Variants in RHAG observed in about 807,000 individuals in gnomAD.
The protein encoded by RHAG is ammonium transporter Rh type A.
Under a neutral mutation model 42.4 loss-of-function variants are expected in RHAG, and 25 were observed. The ratio of observed to expected loss-of-function variants is 0.59; its 90% CI spans 0.43 to 0.82. The LOEUF is 0.82. RHAG is among the 40% of genes least tolerant of loss of function. The probability of loss-of-function intolerance (pLI) is 0.00; values close to 1 mark genes in which losing one functional copy is unlikely to be tolerated. For synonymous variants in RHAG, 182 were observed against 177.7 expected, an observed-to-expected ratio of 1.02 and a Z score of -0.19; for missense variants, 483 against 504.6, an observed-to-expected ratio of 0.96 and a Z score of 0.41.
At chr6:49,630,068 A>T (rs1261182377) in intron 1 of RHAG, among the ~76,000 whole-genome samples, 1 of 152,178 alleles carries the variant, frequency 6.6e-6, no homozygotes, top group Non-Finnish European at 1.5e-5. Context: ...AGGCGCCGAG[A>T]GCGAGCGAGG....
chr6:49,605,846 T>C lies in RHAG; in HGVS notation c.1213-16A>G. ...TCTTAGGGACCTTTAAAAAAACAAG[T>C]TTGAGGGCACTTAATAGTTTATTTC... On this transcript the variant is annotated splice_polypyrimidine_tract_variant and intron_variant, in intron 9 of 9. Transcript: ENST00000371175. 6.2e-7 allele frequency: 1 copy of C among 1,606,694 alleles called. No individual in the cohort carries two copies. Among genetic ancestry groups the C allele is most frequent in the Non-Finnish European group, 8.5e-7 (1 of 1,173,398 alleles).
rs148796751 is a variant in RHAG, at chr6:49,621,651, C to G, written c.158-2289G>C. 7.9e-5 allele frequency among the ~76,000 whole-genome samples: 12 copies of G among 152,252 alleles called. No individual in the cohort carries two copies. The East Asian group carries it at 2.1e-3, about 27-fold the overall frequency. On this transcript the variant is annotated intron_variant, in intron 1 of 9. Coordinates refer to ENST00000371175, the MANE Select transcript of RHAG (RefSeq NM_000324.3). Reference sequence around the variant, plus strand: ...TCACATATATTCATTTTTCTTTACACATTGATTTGTCACCCACCATTTAAT... The same window carrying G: ...TCACATATATTCATTTTTCTTTACAGATTGATTTGTCACCCACCATTTAAT...
chr6:49,636,240 C>T (rs2127360147), intron 1 of RHAG, among the ~76,000 whole-genome samples: 1 of 152,154 alleles, frequency 6.6e-6, no homozygotes, highest in African/African-American at 2.4e-5. Flanking sequence ...AGGGTCCTCA[C>T]ATGAAATCTA....
chr6:49,615,617 C>G lies in RHAG; in HGVS notation c.640+7G>C, dbSNP rs1297398036. The G allele has an allele frequency of 1.9e-6, 3 of 1,613,868 alleles. No homozygotes were observed. In the East Asian group the frequency reaches 6.7e-5, roughly 36 times the overall value. ...GATAAGATTCAAGCAAGTTTATCCA[C>G]ACTCACCAATCATTGCAAACAAGTC... On this transcript the variant is annotated splice_region_variant and intron_variant, in intron 4 of 9. Coordinates refer to ENST00000371175, the MANE Select transcript of RHAG (RefSeq NM_000324.3).
At position 49,629,681 on chromosome 6, in the gene RHAG, G is replaced by A. The variant is rs557967940; in HGVS notation, c.157+6975C>T. On this transcript the variant is annotated intron_variant, in intron 1 of 9. Coordinates refer to ENST00000371175, the MANE Select transcript of RHAG (RefSeq NM_000324.3). ...TCAGGCATGGCGGGCTGCAGGTCCC[G>A]AGCCCTGCCCCACGGGAAGGCAGCT... Among the ~76,000 whole-genome samples the A allele has an allele frequency of 5.3e-5, 8 of 152,302 alleles. No individual in the cohort carries two copies. In the East Asian group the frequency reaches 9.7e-4, roughly 18 times the overall value.
intron 5 of RHAG, 73 bp from the exon 6 acceptor site, chr6:49,612,607 A>C: frequency 6.4e-7 from 1 of 1,553,582 alleles, no homozygotes; most frequent in Non-Finnish European, 8.9e-7. Context: ...AGGATTCTAG[A>C]GTTCAAGAGA....
In RHAG at chr6:49,619,284, C is replaced by G. The variant is rs121918586; in HGVS notation, c.236G>C (p.Ser79Thr). ...AGCAACGAGTAGGTTGATACCCACACTGCTGAAGCCATATTTCTTCAGGAA... is the reference window on the plus strand; with the variant it reads ...AGCAACGAGTAGGTTGATACCCACAGTGCTGAAGCCATATTTCTTCAGGAA... ...MTFLKKYGFS[S>T]VGINLLVAAL... is the part of the protein sequence containing the mutation. Residue 79 changes from serine (S) to threonine (T), a missense_variant, in exon 2 of 10, where the codon AGT becomes ACT. Coordinates refer to ENST00000371175, the MANE Select transcript of RHAG (RefSeq NM_000324.3). 1 of 1,614,134 alleles carries G rather than the reference C, an allele frequency of 6.2e-7. No individual in the cohort carries two copies. Among genetic ancestry groups the G allele is most frequent in the East Asian group, 2.2e-5 (1 of 44,874 alleles).
At chr6:49,624,753 C>A (rs1398731115) in intron 1 of RHAG, among the ~76,000 whole-genome samples, 1 of 152,158 alleles carries the variant, frequency 6.6e-6, no homozygotes, top group East Asian at 1.9e-4. Flanking sequence ...AACATGTAAA[C>A]TGTGGTGTAC....
At chr6:49,619,446 G>T in intron 1 of RHAG, 84 bp from the exon 2 acceptor site, 2 of 1,230,314 alleles carry the variant, frequency 1.6e-6, no homozygotes, top group South Asian at 1.3e-5. Context: ...CTTATTAAGT[G>T]CTACCACCTT....
At chr6:49,624,350 C>T (rs1050091692) in intron 1 of RHAG, among the ~76,000 whole-genome samples, 51 of 152,114 alleles carry the variant, frequency 3.4e-4, no homozygotes, top group African/African-American at 1.1e-3. Context: ...GGACTACAGG[C>T]GTGTGCCACC....
At chr6:49,622,794 G>T (rs986543036) in intron 1 of RHAG, among the ~76,000 whole-genome samples, 21 of 150,496 alleles carry the variant, frequency 1.4e-4, no homozygotes, top group African/African-American at 4.9e-4. Flanking sequence ...TTATTCTGCA[G>T]ATTTCACCCC....
At chr6:49,617,948 C>A in intron 3 of RHAG, 120 bp downstream of exon 3, 1 of 833,132 alleles carries the variant, frequency 1.2e-6, no homozygotes. Flanking sequence ...GTTATTGTTA[C>A]TATTTGCTAC....
intron 1 of RHAG, among the ~76,000 whole-genome samples, chr6:49,630,856 G>T (rs538896332): frequency 1.3e-5 from 2 of 152,204 alleles, no homozygotes; most frequent in African/African-American, 2.4e-5. Flanking sequence ...TTCCCAGACT[G>T]TCTTTTTATA....
At chr6:49,613,809 G>T (rs1762606535) in intron 5 of RHAG, among the ~76,000 whole-genome samples, 1 of 152,134 alleles carries the variant, frequency 6.6e-6, no homozygotes, top group Non-Finnish European at 1.5e-5. Context: ...TCTCAAATAA[G>T]ATGTTAATCT....
chr6:49,634,726 C>A (rs970642131), intron 1 of RHAG, among the ~76,000 whole-genome samples: 85 of 152,020 alleles, frequency 5.6e-4, no homozygotes, highest in African/African-American at 2.0e-3. Flanking sequence ...CTTCATGAAT[C>A]ATAAAATCAA....
At chr6:49,635,620 A>C (rs1245300390) in intron 1 of RHAG, among the ~76,000 whole-genome samples, 1 of 152,054 alleles carries the variant, frequency 6.6e-6, no homozygotes, top group Admixed American at 6.6e-5. Context: ...CTAGACTTGG[A>C]GTCTAGTTTT....
At chr6:49,631,020 G>A (rs376933991) in intron 1 of RHAG, among the ~76,000 whole-genome samples, 2 of 152,246 alleles carry the variant, frequency 1.3e-5, no homozygotes, top group South Asian at 2.1e-4. Context: ...GGATTTGTTT[G>A]ATTGTTTCAC....
intron 6 of RHAG, 147 bp downstream of exon 6, chr6:49,612,250 G>A: frequency 1.3e-6 from 1 of 773,826 alleles, no homozygotes; most frequent in Non-Finnish European, 2.2e-6. Flanking sequence ...CCACTGAAAT[G>A]GGAGTGGTAT....
intron 3 of RHAG, among the ~76,000 whole-genome samples, chr6:49,617,060 A>G (rs1156735451): frequency 6.6e-6 from 1 of 152,158 alleles, no homozygotes; most frequent in Non-Finnish European, 1.5e-5. Flanking sequence ...GAGTTTACAG[A>G]GTCTTTATTA....
Sources: allele counts gnomAD v4.1 joint callset (sites outside exome capture counted in the v4.1 genomes callset), GRCh38; gene constraint gnomAD v4.1.1; transcripts MANE v1.5; gene names NCBI Gene and HGNC (gene_info 2026-07-23, HGNC 2026-07-21).